KHDRBS2: variants seen among roughly 807,000 people sequenced by gnomAD.
The protein encoded by KHDRBS2 is KH RNA binding domain containing, signal transduction associated 2, also known as KH domain-containing, RNA-binding, signal transduction-associated protein 2.
Under a neutral mutation model 44.3 loss-of-function variants are expected in KHDRBS2, and 26 were observed. The ratio of observed to expected loss-of-function variants is 0.59; its 90% CI spans 0.43 to 0.81. The LOEUF (loss-of-function observed/expected upper bound fraction) is 0.81, where lower values mean the gene tolerates loss of function less well. KHDRBS2 is among the 40% of genes least tolerant of loss of function. The pLI is 0.00. For missense variants in KHDRBS2, 476 were observed against 433.1 expected (o/e 1.10, Z -0.88); for synonymous variants, 194 against 151.1 (o/e 1.28, Z -2.08).
At chr6:62,081,569 T>A (rs1301414751) in intron 2 of KHDRBS2, among the ~76,000 whole-genome samples, 2 of 152,084 alleles carry the variant, frequency 1.3e-5, no homozygotes, top group African/African-American at 4.8e-5. Flanking sequence ...GACAAAAGAA[T>A]AAAATCAAGT....
intron 6 of KHDRBS2, among the ~76,000 whole-genome samples, chr6:61,751,235 T>C (rs1582601641): frequency 6.6e-6 from 1 of 152,232 alleles, no homozygotes; most frequent in Non-Finnish European, 1.5e-5. Context: ...TCAAAATTTA[T>C]ACACAGTTTT....
At chr6:61,661,958 G>T in the KHDRBS2 span, among the ~76,000 whole-genome samples, 5 of 151,078 alleles carry the variant, frequency 3.3e-5, no homozygotes, top group East Asian at 2.0e-4. Flanking sequence ...TAAGCCAAAA[G>T]AACAAAGCTG....
chr6:62,149,255 G>A (rs1199033452), intron 2 of KHDRBS2, among the ~76,000 whole-genome samples: 1 of 152,054 alleles, frequency 6.6e-6, no homozygotes, highest in African/African-American at 2.4e-5. Context: ...TAACATCACA[G>A]CCACAACATA....
intron 6 of KHDRBS2, among the ~76,000 whole-genome samples, chr6:61,737,056 T>G (rs1481809690): frequency 6.6e-6 from 1 of 152,132 alleles, no homozygotes; most frequent in Non-Finnish European, 1.5e-5. Context: ...GAGACTACTC[T>G]TATCCACTGT....
chr6:62,230,563 T>G (rs748802658), intron 1 of KHDRBS2, among the ~76,000 whole-genome samples: 1 of 152,190 alleles, frequency 6.6e-6, no homozygotes, highest in Non-Finnish European at 1.5e-5. Context: ...ATTTCTGGCT[T>G]TGCTTCTTTA....
At chr6:62,161,082 C>A (rs1331929612) in intron 2 of KHDRBS2, among the ~76,000 whole-genome samples, 1 of 152,016 alleles carries the variant, frequency 6.6e-6, no homozygotes, top group African/African-American at 2.4e-5. Flanking sequence ...AGTATTTCTC[C>A]TTTTATGAAT....
intron 1 of KHDRBS2, among the ~76,000 whole-genome samples, chr6:62,227,670 T>A (rs1416665577): frequency 6.6e-6 from 1 of 152,184 alleles, no homozygotes; most frequent in African/African-American, 2.4e-5. Context: ...TTGTCATAAA[T>A]AGTTGTTTTT....
At chr6:61,674,218 T>C in the KHDRBS2 span, among the ~76,000 whole-genome samples, 1 of 151,600 alleles carries the variant, frequency 6.6e-6, no homozygotes, top group African/African-American at 2.4e-5. Context: ...TGGGGAAAGA[T>C]CAAAGTAAAA....
chr6:61,593,897 T>C, the KHDRBS2 span, among the ~76,000 whole-genome samples: 1 of 152,154 alleles, frequency 6.6e-6, no homozygotes, highest in East Asian at 1.9e-4. Context: ...TCTCCAAGTC[T>C]ATTGGCTTTA....
chr6:61,892,190 AC>A (rs1801968184), intron 6 of KHDRBS2, among the ~76,000 whole-genome samples: 1 of 152,150 alleles, frequency 6.6e-6, no homozygotes, highest in East Asian at 1.9e-4. Context: ...AATCCAACTT[AC>A]AAGGGATGTG....
intron 3 of KHDRBS2, among the ~76,000 whole-genome samples, chr6:62,045,352 C>T (rs1472834434): frequency 6.6e-6 from 1 of 151,998 alleles, no homozygotes; most frequent in African/African-American, 2.4e-5. Context: ...GGCCGTCACA[C>T]TTGGCATTCT....
chr6:62,267,239 T>C (rs1334240814), intron 1 of KHDRBS2, among the ~76,000 whole-genome samples: 1 of 152,044 alleles, frequency 6.6e-6, no homozygotes, highest in Non-Finnish European at 1.5e-5. Context: ...TTGAAAGACT[T>C]TGTTGGAAGG....
chr6:61,583,931 C>A, the KHDRBS2 span, among the ~76,000 whole-genome samples: 5 of 151,140 alleles, frequency 3.3e-5, no homozygotes, highest in Admixed American at 1.3e-4. Flanking sequence ...ATATATATAT[C>A]TTTTATTATA....
intron 3 of KHDRBS2, among the ~76,000 whole-genome samples, chr6:61,992,704 A>T (rs1776367785): frequency 6.6e-6 from 1 of 152,190 alleles, no homozygotes; most frequent in Admixed American, 6.5e-5. Flanking sequence ...GGTTAAGAAC[A>T]TGTATAATCT....
intron 1 of KHDRBS2, among the ~76,000 whole-genome samples, chr6:62,197,842 G>A (rs1467113510): frequency 6.6e-6 from 1 of 152,096 alleles, no homozygotes; most frequent in Non-Finnish European, 1.5e-5. Context: ...TGGAAGTAAA[G>A]CACTCCTCAG....
At chr6:62,218,430 C>T (rs1830372893) in intron 1 of KHDRBS2, among the ~76,000 whole-genome samples, 1 of 151,664 alleles carries the variant, frequency 6.6e-6, no homozygotes, top group African/African-American at 2.4e-5. Flanking sequence ...GATAACATGA[C>T]ATGAACAGAA....
At chr6:62,148,214 C>A (rs2150103321) in intron 2 of KHDRBS2, among the ~76,000 whole-genome samples, 1 of 152,022 alleles carries the variant, frequency 6.6e-6, no homozygotes, top group East Asian at 1.9e-4. Context: ...AAAGTCTATT[C>A]TCTGACCATA....
chr6:61,955,144 A>T (rs1318176378), intron 4 of KHDRBS2, among the ~76,000 whole-genome samples: 2 of 144,794 alleles, frequency 1.4e-5, no homozygotes, highest in Non-Finnish European at 3.0e-5. Context: ...GTATATACAC[A>T]TACGTGTGTA....
intron 2 of KHDRBS2, among the ~76,000 whole-genome samples, chr6:62,096,260 T>G (rs931790623): frequency 3.9e-5 from 6 of 151,952 alleles, no homozygotes; most frequent in African/African-American, 1.4e-4. Flanking sequence ...TTTGTTTCAG[T>G]TTTTTGTTGT....
Sources: gnomAD v4.1 joint callset for allele counts (sites outside exome capture counted in the v4.1 genomes callset) on GRCh38, gnomAD v4.1.1 for gene constraint, MANE v1.5 for transcripts, NCBI Gene and HGNC (gene_info 2026-07-23, HGNC 2026-07-21) for gene names.